Variants in PCDHGC4 observed in about 807,000 individuals in gnomAD.
PCDHGC4 encodes protocadherin gamma subfamily C, 4, also known as protocadherin gamma-C4.
PCDHGC4 carries 15 observed loss-of-function variants against 59.7 expected under a neutral mutation model. The observed-to-expected ratio is 0.25, with a 90% CI of 0.17 to 0.39. The LOEUF (loss-of-function observed/expected upper bound fraction) is 0.39. Among genes scored for constraint, PCDHGC4 ranks in the 10% least tolerant of loss-of-function variants. PCDHGC4 has a pLI of 1.00. For synonymous variants in PCDHGC4, 434 were observed against 481.4 expected, an observed-to-expected ratio of 0.90 and a Z score of 1.29; for missense variants, 1,016 against 1,189.5, an observed-to-expected ratio of 0.85 and a Z score of 2.15.
intron 1 of PCDHGC4, among the ~76,000 whole-genome samples, chr5:141,492,593 A>T (rs907659087): frequency 1.3e-5 from 2 of 152,100 alleles, no homozygotes; most frequent in African/African-American, 4.8e-5. Context: ...GGAGCGCTGG[A>T]GCGACTGCCG....
chr5:141,489,206 C>A lies in PCDHGC4; in HGVS notation c.2442+1591C>A. On this transcript the variant is annotated intron_variant, in intron 1 of 3. Transcript: ENST00000306593. This position sits in a 1 kb window ranked among gnomAD's most constrained non-coding sequence, Gnocchi z 4.5. ...TGGGTCTACCTTGGAGACAGGACAG[C>A]ACAGACTTACTCTCCACAAAGGGAC... 2 of 1,439,024 alleles carry A rather than the reference C, an allele frequency of 1.4e-6. No individual in the cohort carries two copies. Among genetic ancestry groups the A allele is most frequent in the Non-Finnish European group, 1.9e-6 (2 of 1,060,928 alleles). 89.1% of individuals were successfully genotyped at this position (1,439,024 alleles called of 1,614,324 possible). A position where few individuals can be genotyped will look rare whatever the true frequency, so the allele number is the denominator to read the frequency against.
chr5:141,494,537 G>C (rs2099755111), intron 1 of PCDHGC4, among the ~76,000 whole-genome samples: 1 of 152,168 alleles, frequency 6.6e-6, no homozygotes, highest in Non-Finnish European at 1.5e-5. Flanking sequence ...TGGGGGCAGG[G>C]AGGAAGGGGC....
chr5:141,495,386 G>C (rs2099760934), intron 2 of PCDHGC4, among the ~76,000 whole-genome samples: 1 of 152,214 alleles, frequency 6.6e-6, no homozygotes, highest in Non-Finnish European at 1.5e-5. Context: ...GGACTGGGCG[G>C]GGCATGGAGC....
At position 141,500,368 on chromosome 5, in the gene PCDHGC4, C is replaced by T. The variant is rs181410708; in HGVS notation, c.2502-5025C>T. Among the ~76,000 whole-genome samples, 364 of 152,050 alleles carry T rather than the reference C, an allele frequency of 2.4e-3. 3 individuals carry two copies. The highest frequency in any genetic ancestry group is 9.2e-3 in the Admixed American group (140 of 15,274). ...GGACTACAGGCGCCCACTACCACGCCCGGCTAATTATTTTGTATTTTTAGT... is the reference window on the plus strand; with the variant it reads ...GGACTACAGGCGCCCACTACCACGCTCGGCTAATTATTTTGTATTTTTAGT... On this transcript the variant is annotated intron_variant, in intron 2 of 3. Transcript: ENST00000306593.
rs747722740 is a variant in PCDHGC4, at chr5:141,485,835, C to G, written c.662C>G (p.Pro221Arg). 3 of 1,614,190 alleles carry G rather than the reference C, an allele frequency of 1.9e-6. No homozygotes were observed. In the South Asian group the frequency reaches 3.3e-5, roughly 18 times the overall value. The change falls in exon 1 of 4, where the codon CCG becomes CGG. Residue 221 changes from proline (P) to arginine (R), a missense_variant. Transcript: ENST00000306593. This position sits in a 1 kb window ranked among gnomAD's most constrained non-coding sequence, Gnocchi z 5.7. ...ACTGCTGTCGATGGAGGGAACCCGC[C>G]GAGATCTGGCACCGCAGAGCTCCGG... ...VLTAVDGGNP[P>R]RSGTAELRVS...
intron 3 of PCDHGC4, among the ~76,000 whole-genome samples, chr5:141,509,015 C>T (rs1370464396): frequency 6.6e-6 from 1 of 152,098 alleles, no homozygotes; most frequent in East Asian, 1.9e-4. Flanking sequence ...AAGTGGGCAG[C>T]TGCTCCCTCC....
rs1426255577 is a variant in PCDHGC4, at chr5:141,512,797, TG to T, written c.*1625del. 6.6e-6 allele frequency: 1 copy of T among 152,300 alleles called. No homozygotes were observed. Among genetic ancestry groups the T allele is most frequent in the African/African-American group, 2.4e-5 (1 of 41,444 alleles). The allele number at this position is 152,300 out of a possible 1,614,324, so 9.4% of individuals were successfully genotyped here. On this transcript the variant is annotated 3_prime_UTR_variant, in exon 4 of 4. Transcript: ENST00000306593. ...GCGGCCCGTGTTGTGTTTTGTGCTGTGTCCACGCGCTAAGGCGACCCCCTCC... is the reference window on the plus strand; with the variant it reads ...GCGGCCCGTGTTGTGTTTTGTGCTGTTCCACGCGCTAAGGCGACCCCCTCC...
rs746903142 is a variant in PCDHGC4, at chr5:141,491,667, G to T, written c.2443-3140G>T. ...TGGCGCTGGAGCCTGACGCCATCCG[G>T]TCCCGCTCTAATACGCTGCGGGAGC... On this transcript the variant is annotated intron_variant, in intron 1 of 3. Coordinates refer to ENST00000306593, the MANE Select transcript of PCDHGC4 (RefSeq NM_018928.3). The surrounding 1 kb of genome is among the most constrained non-coding windows in gnomAD (Gnocchi z 6.9). 1.9e-6 allele frequency: 3 copies of T among 1,613,794 alleles called. No individual in the cohort carries two copies. Among genetic ancestry groups the T allele is most frequent in the Admixed American group, 1.7e-5 (1 of 60,032 alleles).
chr5:141,487,633 T>C lies in PCDHGC4; in HGVS notation c.2442+18T>C. On this transcript the variant is annotated intron_variant, in intron 1 of 3. Transcript: ENST00000306593. The surrounding 1 kb of genome is among the most constrained non-coding windows in gnomAD (Gnocchi z 5.0). ...GGCTAGAGGTGAGACCTTTGCAGGCTCAACAAATGCTTGAGGGTTATTCTG... is the reference window on the plus strand; with the variant it reads ...GGCTAGAGGTGAGACCTTTGCAGGCCCAACAAATGCTTGAGGGTTATTCTG... 3 of 1,614,164 alleles carry C rather than the reference T, an allele frequency of 1.9e-6. No individual in the cohort carries two copies. The highest frequency in any genetic ancestry group is 2.7e-5 in the African/African-American group (2 of 75,052).
intron 3 of PCDHGC4, among the ~76,000 whole-genome samples, chr5:141,508,646 G>A (rs1434098773): frequency 2.6e-5 from 4 of 152,014 alleles, no homozygotes; most frequent in African/African-American, 9.7e-5. Flanking sequence ...ACTCCGTCAG[G>A]CCCTTCCTGT....
intron 1 of PCDHGC4, among the ~76,000 whole-genome samples, chr5:141,492,170 C>A (rs1383768075): frequency 6.6e-6 from 1 of 152,226 alleles, no homozygotes; most frequent in Non-Finnish European, 1.5e-5. Context: ...ATCCCCGCAT[C>A]ACCCAACCGC....
chr5:141,492,948 CA>C (rs2099745260), intron 1 of PCDHGC4, among the ~76,000 whole-genome samples: 1 of 152,188 alleles, frequency 6.6e-6, no homozygotes, highest in Non-Finnish European at 1.5e-5. Flanking sequence ...TGGAGGTGAC[CA>C]AACTATCTGA....
intron 3 of PCDHGC4, among the ~76,000 whole-genome samples, chr5:141,507,861 C>T (rs538942097): frequency 7.0e-4 from 106 of 152,306 alleles, no homozygotes; most frequent in African/African-American, 2.5e-3. Flanking sequence ...CTTTCACACC[C>T]GCTTCCTAGC....
In PCDHGC4 at chr5:141,488,647, T is replaced by TG. The variant is rs535492979; in HGVS notation, c.2442+1037dup. ...CTCACCTTAGCAGCATTCAGCAGGA[T>TG]GGGGGAGGGTGGGGGAATACATGGG... On this transcript the variant is annotated intron_variant, in intron 1 of 3. Transcript: ENST00000306593. Among the ~76,000 whole-genome samples, 173 of 152,088 alleles carry TG rather than the reference T, an allele frequency of 1.1e-3. 1 individual carries two copies. Among genetic ancestry groups the TG allele is most frequent in the African/African-American group, 3.9e-3 (160 of 41,492 alleles).
chr5:141,494,903 G>A (rs760748707), intron 2 of PCDHGC4, 38 bp downstream of exon 2: 39 of 1,613,894 alleles, frequency 2.4e-5, no homozygotes, highest in Non-Finnish European at 3.1e-5. Context: ...TCTTCTCTGC[G>A]GCATTTTCTC....
chr5:141,509,602 C>T (rs921950654), intron 3 of PCDHGC4, among the ~76,000 whole-genome samples: 8 of 152,194 alleles, frequency 5.3e-5, no homozygotes, highest in Non-Finnish European at 8.8e-5. Context: ...TTCCGAGAGG[C>T]TGCATTCTAA....
In PCDHGC4 at chr5:141,492,378, C is replaced by T. The variant is rs144479033; in HGVS notation, c.2443-2429C>T. Among the ~76,000 whole-genome samples the T allele has an allele frequency of 1.7e-3, 262 of 152,360 alleles. 2 individuals are homozygous for T. The highest frequency in any genetic ancestry group is 3.0e-3 in the Non-Finnish European group (207 of 68,026). On this transcript the variant is annotated intron_variant, in intron 1 of 3. Coordinates refer to ENST00000306593, the MANE Select transcript of PCDHGC4 (RefSeq NM_018928.3). ...CTCGCTCGCGGCCAGATTCACAGGCCTGTTCCGGTCCACTCGCAGCTCCCC... is the reference window on the plus strand; with the variant it reads ...CTCGCTCGCGGCCAGATTCACAGGCTTGTTCCGGTCCACTCGCAGCTCCCC...
At position 141,487,047 on chromosome 5, in the gene PCDHGC4, C is replaced by T; in HGVS notation, c.1874C>T (p.Ala625Val). The T allele has an allele frequency of 6.2e-7, 1 of 1,614,188 alleles. No individual in the cohort carries two copies. Among genetic ancestry groups the T allele is most frequent in the Non-Finnish European group, 8.5e-7 (1 of 1,180,032 alleles). ...DPSLFAVSRY[A>V]GEVRTAVPIP... is the part of the protein sequence containing the mutation. ...AGCCTGTTTGCAGTCTCTCGATATGCTGGGGAGGTGCGGACGGCTGTTCCT... is the reference window on the plus strand; with the variant it reads ...AGCCTGTTTGCAGTCTCTCGATATGTTGGGGAGGTGCGGACGGCTGTTCCT... Residue 625 changes from alanine (A) to valine (V), a missense_variant, in exon 1 of 4, where the codon GCT becomes GTT. Physicochemically the swap from Ala to Val is moderately conservative, Grantham distance 64. Coordinates refer to ENST00000306593, the MANE Select transcript of PCDHGC4 (RefSeq NM_018928.3). This position sits in a 1 kb window ranked among gnomAD's most constrained non-coding sequence, Gnocchi z 5.0.
chr5:141,509,046 C>T (rs1442220429), intron 3 of PCDHGC4, among the ~76,000 whole-genome samples: 1 of 152,160 alleles, frequency 6.6e-6, no homozygotes, highest in Non-Finnish European at 1.5e-5. Flanking sequence ...CTCTCCCCCG[C>T]CCCCAGAAAG....
Sources: allele counts gnomAD v4.1 joint callset (sites outside exome capture counted in the v4.1 genomes callset), GRCh38; gene constraint gnomAD v4.1.1; non-coding constraint Gnocchi (gnomAD v3.1); transcripts MANE v1.5; gene names NCBI Gene and HGNC (gene_info 2026-07-23, HGNC 2026-07-21).